Variants in RGS19 observed in about 807,000 individuals in gnomAD.
The protein encoded by RGS19 is regulator of G protein signaling 19, also known as G alpha interacting protein.
RGS19 carries 9 observed loss-of-function variants against 22.0 expected under a neutral mutation model. That is an observed-to-expected ratio of 0.41 (90% CI 0.25 to 0.71). The LOEUF (loss-of-function observed/expected upper bound fraction) is 0.71. RGS19 is among the 30% of genes least tolerant of loss of function. RGS19 has a pLI of 0.32. For missense variants in RGS19, 256 were observed against 307.1 expected, an observed-to-expected ratio of 0.83 and a Z score of 1.24; for synonymous variants, 130 against 127.3, an observed-to-expected ratio of 1.02 and a Z score of -0.14.
At chr20:64,076,782 A>C in intron 2 of RGS19, 75 bp downstream of exon 2, 1 of 1,557,326 alleles carries the variant, frequency 6.4e-7, no homozygotes, top group Non-Finnish European at 8.7e-7. Flanking sequence ...GGGATCTCCC[A>C]GCTCCTTGTG....
rs1168320365 is a variant in RGS19 at position 64,075,105 on chromosome 20, T to G, written c.153-564A>C. Among the ~76,000 whole-genome samples, 1 of 151,430 alleles carries G rather than the reference T, an allele frequency of 6.6e-6. No individual in the cohort carries two copies. Among genetic ancestry groups the G allele is most frequent in the Non-Finnish European group, 1.5e-5 (1 of 67,838 alleles). ...CTGGGAACAGGGCCACCCATGGGAA[T>G]GTGCCTGGGAACAGGGCCACCCATG... On this transcript the variant is annotated intron_variant, in intron 3 of 5. Coordinates refer to ENST00000395042, the MANE Select transcript of RGS19 (RefSeq NM_005873.3). The surrounding 1 kb of genome is among the most constrained non-coding windows in gnomAD (Gnocchi z 4.6).
intron 3 of RGS19, 70 bp from the exon 4 acceptor site, chr20:64,074,611 A>G (rs2059889952): frequency 1.4e-6 from 2 of 1,419,340 alleles, no homozygotes; most frequent in African/African-American, 1.4e-5. Flanking sequence ...CCCTCAGCAC[A>G]TGGGCAGGCA....
intron 1 of RGS19, among the ~76,000 whole-genome samples, chr20:64,077,167 C>T (rs1018795098): frequency 4.6e-5 from 7 of 152,110 alleles, no homozygotes; most frequent in Non-Finnish European, 7.4e-5. Context: ...AGCTTCTGGC[C>T]CCTCCTCCCA....
intron 2 of RGS19, 94 bp downstream of exon 2, chr20:64,076,763 G>C: frequency 6.6e-7 from 1 of 1,525,124 alleles, no homozygotes; most frequent in South Asian, 1.2e-5. Context: ...CTGGCCTCCC[G>C]GGTGTTCAGG....
rs980728498 is a variant in RGS19 at position 64,075,726 on chromosome 20, C to T, written c.152+799G>A. 1.3e-5 allele frequency among the ~76,000 whole-genome samples: 2 copies of T among 152,128 alleles called. No individual in the cohort carries two copies. The highest frequency in any genetic ancestry group is 2.9e-5 in the Non-Finnish European group (2 of 68,020). ...CCTCACAGGGATGCCCAGAGACGTC[C>T]CCGCCACCGCCCCCTGCTCTTCTTC... On this transcript the variant is annotated intron_variant, in intron 3 of 5. Coordinates refer to ENST00000395042, the MANE Select transcript of RGS19 (RefSeq NM_005873.3). The surrounding 1 kb of genome is among the most constrained non-coding windows in gnomAD (Gnocchi z 4.6).
At chr20:64,074,100 G>A (rs2059881943) in intron 5 of RGS19, 44 bp downstream of exon 5, 1 of 1,603,578 alleles carries the variant, frequency 6.2e-7, no homozygotes, top group Admixed American at 1.7e-5. Flanking sequence ...CCCACCTAGT[G>A]CCTGGAGCAG....
chr20:64,076,465 G>T (rs1432599775), intron 3 of RGS19, 60 bp downstream of exon 3: 5 of 1,600,220 alleles, frequency 3.1e-6, no homozygotes, highest in East Asian at 2.2e-5. Context: ...CCCCTCCTGG[G>T]TCTGCTTGGC....
Position 64,074,264 on chromosome 20 carries a change from C to T in RGS19, c.342G>A (p.Glu114=), listed in dbSNP as rs777938906. 6.2e-7 allele frequency: 1 copy of T among 1,613,700 alleles called. No homozygotes were observed. Residue 114 remains glutamate (E), a synonymous_variant, in exon 5 of 6, where the codon GAG becomes GAA. Coordinates refer to ENST00000395042, the MANE Select transcript of RGS19 (RefSeq NM_005873.3). ...AGGCCAACCAGAAGAGCATGTTCTC[C>T]TCGCTGTACTCTGTCCGCAGGAACG... The part of the protein sequence containing the change: ...FRAFLRTEYS[E]ENMLFWLACE...
chr20:64,074,150 G>T lies in RGS19; in HGVS notation c.456C>A (p.Pro152=), dbSNP rs200974006. The change falls in exon 5 of 6, where the codon CCC becomes CCA. Residue 152 remains proline, a synonymous_variant. Coordinates refer to ENST00000395042, the MANE Select transcript of RGS19 (RefSeq NM_005873.3). ...GTTCTGGTGTCTGGCGCACCTCCTT[G>T]GGGGACAGGATGGATACGTAGTCCT... ...IYEDYVSILS[P]KEVSLDSRVR... is the part of the protein sequence containing the mutation. 205 of 1,612,742 alleles carry T rather than the reference G, an allele frequency of 1.3e-4. No individual in the cohort carries two copies. Among genetic ancestry groups the T allele is most frequent in the Non-Finnish European group, 1.6e-4 (183 of 1,178,968 alleles).
In RGS19 at chr20:64,073,819, A is replaced by G. The variant is rs771578064; in HGVS notation, c.*34T>C. On this transcript the variant is annotated 3_prime_UTR_variant, in exon 6 of 6. Transcript: ENST00000395042. Reference sequence around the variant, plus strand: ...CTGAAGGGAACCCAGAGTCGGCCGTAGGAGGCGGCGGGGTCTGTGCTGCTG... The same window carrying G: ...CTGAAGGGAACCCAGAGTCGGCCGTGGGAGGCGGCGGGGTCTGTGCTGCTG... 12 of 1,556,074 alleles carry G rather than the reference A, an allele frequency of 7.7e-6. No homozygotes were observed. In the South Asian group the frequency reaches 1.4e-4, roughly 18 times the overall value.
intron 1 of RGS19, among the ~76,000 whole-genome samples, chr20:64,077,248 G>A (rs1485973462): frequency 1.3e-5 from 2 of 152,168 alleles, no homozygotes; most frequent in Admixed American, 6.5e-5. Context: ...CTGGGAAGCC[G>A]GAAGCCTGGG....
chr20:64,074,382 T>G lies in RGS19; in HGVS notation c.228-4A>C. ...CTCCTCAGGACTTGGCGTGGCACTG[T>G]GGGCACGGGGGCCAGGCTATGTCAG... On this transcript the variant is annotated splice_polypyrimidine_tract_variant and splice_region_variant and intron_variant, in intron 4 of 5. Coordinates refer to ENST00000395042, the MANE Select transcript of RGS19 (RefSeq NM_005873.3). The G allele has an allele frequency of 6.2e-7, 1 of 1,603,358 alleles. No individual in the cohort carries two copies. Among genetic ancestry groups the G allele is most frequent in the South Asian group, 1.1e-5 (1 of 90,096 alleles).
chr20:64,074,097 A>C (rs1045053765), intron 5 of RGS19, 47 bp downstream of exon 5: 1 of 1,603,280 alleles, frequency 6.2e-7, no homozygotes, highest in East Asian at 2.2e-5. Context: ...TTCCCCACCT[A>C]GTGCCTGGAG....
chr20:64,076,732 G>A, intron 2 of RGS19, 86 bp from the exon 3 acceptor site: 2 of 1,521,626 alleles, frequency 1.3e-6, no homozygotes, highest in Non-Finnish European at 1.8e-6. Context: ...GGGTAGCCCT[G>A]TTCCCAGGCA....
intron 3 of RGS19, 30 bp from the exon 4 acceptor site, chr20:64,074,571 T>C: frequency 6.5e-7 from 1 of 1,537,298 alleles, no homozygotes; most frequent in Non-Finnish European, 8.8e-7. Flanking sequence ...AGCGCTGCCG[T>C]GGGCACACAC....
intron 3 of RGS19, among the ~76,000 whole-genome samples, chr20:64,074,882 G>A (rs1021560723): frequency 6.6e-6 from 1 of 152,222 alleles, no homozygotes; most frequent in African/African-American, 2.4e-5. Flanking sequence ...TTCGGCTCCT[G>A]GTGTGCTCCT....
rs566494451 is a variant in RGS19 at position 64,074,427 on chromosome 20, G to C, written c.227+40C>G. On this transcript the variant is annotated intron_variant, in intron 4 of 5. Coordinates refer to ENST00000395042, the MANE Select transcript of RGS19 (RefSeq NM_005873.3). ...TGTCAGGCCCGAGTCTCCCGGTCTGGGGCCCCCCCAGCACGCACACACCAG... is the reference window on the plus strand; with the variant it reads ...TGTCAGGCCCGAGTCTCCCGGTCTGCGGCCCCCCCAGCACGCACACACCAG... The C allele has an allele frequency of 5.1e-5, 81 of 1,575,552 alleles. No homozygotes were observed. The East Asian group carries it at 1.8e-3, about 35-fold the overall frequency.
intron 1 of RGS19, among the ~76,000 whole-genome samples, chr20:64,078,631 C>A (rs533258950): frequency 2.6e-5 from 4 of 152,326 alleles, no homozygotes; most frequent in Admixed American, 2.6e-4. Context: ...GGAGCCAGCC[C>A]CTTCTTTCCC....
intron 3 of RGS19, among the ~76,000 whole-genome samples, chr20:64,076,108 C>T (rs1046969108): frequency 7.9e-5 from 12 of 152,228 alleles, no homozygotes; most frequent in Admixed American, 5.2e-4. Flanking sequence ...CTCGAACTCC[C>T]GACCTCAGGT....
Sources: gnomAD v4.1 joint callset for allele counts (sites outside exome capture counted in the v4.1 genomes callset) on GRCh38, gnomAD v4.1.1 for gene constraint, Gnocchi (gnomAD v3.1) non-coding constraint, MANE v1.5 for transcripts, NCBI Gene and HGNC (gene_info 2026-07-23, HGNC 2026-07-21) for gene names.